RRAS2: variants seen among roughly 807,000 people sequenced by gnomAD.
The protein encoded by RRAS2 is ras-related protein R-Ras2.
RRAS2 carries 7 observed loss-of-function variants against 27.6 expected under a neutral mutation model. The observed-to-expected ratio is 0.25, with a 90% CI of 0.14 to 0.48. The LOEUF is 0.48. Among genes scored for constraint, RRAS2 ranks in the 20% least tolerant of loss-of-function variants. The probability of loss-of-function intolerance (pLI) is 0.99; values close to 1 mark genes in which losing one functional copy is unlikely to be tolerated. For missense variants in RRAS2, 178 were observed against 256.2 expected, an observed-to-expected ratio of 0.69 and a Z score of 2.08; for synonymous variants, 86 against 90.9, an observed-to-expected ratio of 0.95 and a Z score of 0.31.
intron 1 of RRAS2, among the ~76,000 whole-genome samples, chr11:14,321,538 GAAGC>G (rs1217779797): frequency 6.6e-6 from 1 of 152,182 alleles, no homozygotes; most frequent in African/African-American, 2.4e-5. Context: ...GGAGAGCAGG[GAAGC>G]TGTTTACCTA....
At chr11:14,297,728 C>T (rs902842255) in intron 1 of RRAS2, among the ~76,000 whole-genome samples, 1 of 152,002 alleles carries the variant, frequency 6.6e-6, no homozygotes, top group Non-Finnish European at 1.5e-5. Context: ...TGCCACACTG[C>T]GCTCCAGCCT....
At chr11:14,308,731 T>C (rs1244006539) in intron 1 of RRAS2, among the ~76,000 whole-genome samples, 1 of 152,210 alleles carries the variant, frequency 6.6e-6, no homozygotes, top group Non-Finnish European at 1.5e-5. Context: ...AAGAGTTTTT[T>C]ACAAGGAGTA....
At chr11:14,284,429 C>T (rs1849613070) in intron 4 of RRAS2, among the ~76,000 whole-genome samples, 2 of 152,158 alleles carry the variant, frequency 1.3e-5, no homozygotes. Context: ...TTGAGGCTTA[C>T]TTTATGATCC....
At chr11:14,319,374 C>T (rs1316096978) in intron 1 of RRAS2, among the ~76,000 whole-genome samples, 2 of 76,396 alleles carry the variant, frequency 2.6e-5, no homozygotes, top group Non-Finnish European at 4.7e-5. Flanking sequence ...TTTTTTGAGA[C>T]GGAGTCTCGC....
Position 14,358,139 on chromosome 11 carries a change from T to C in RRAS2, c.108+624A>G. 1.2e-6 allele frequency: 1 copy of C among 830,284 alleles called. No individual in the cohort carries two copies. The highest frequency in any genetic ancestry group is 5.5e-5 in the South Asian group (1 of 18,218). The allele number at this position is 830,284 out of a possible 1,614,324, so 51.4% of individuals were successfully genotyped here. A position where few individuals can be genotyped will look rare whatever the true frequency, so the allele number is the denominator to read the frequency against. Reference sequence around the variant, plus strand: ...GTCTCACCCCATCAGAGAACATTTTTAACTTCCTAGAAGCCACCATTTCCC... The same window carrying C: ...GTCTCACCCCATCAGAGAACATTTTCAACTTCCTAGAAGCCACCATTTCCC... On this transcript the variant is annotated intron_variant, in intron 1 of 5. Transcript: ENST00000256196. The surrounding 1 kb of genome is among the most constrained non-coding windows in gnomAD (Gnocchi z 5.1).
chr11:14,284,437 T>G (rs1171213970), intron 4 of RRAS2, among the ~76,000 whole-genome samples: 4 of 152,220 alleles, frequency 2.6e-5, no homozygotes, highest in Admixed American at 1.3e-4. Flanking sequence ...TACTTTATGA[T>G]CCATTCTTCT....
intron 1 of RRAS2, among the ~76,000 whole-genome samples, chr11:14,306,891 TAAAAA>T (rs11287532): frequency 3.0e-5 from 4 of 133,180 alleles, no homozygotes; most frequent in Non-Finnish European, 3.2e-5. Context: ...TGTGCCAAGA[TAAAAA>T]AAAAAAAAAA....
At chr11:14,298,036 T>C (rs1187594263) in intron 1 of RRAS2, among the ~76,000 whole-genome samples, 1 of 151,250 alleles carries the variant, frequency 6.6e-6, no homozygotes, top group Non-Finnish European at 1.5e-5. Flanking sequence ...TGAACTTACT[T>C]TTTGGCACCC....
chr11:14,358,609 G>A lies in RRAS2; in HGVS notation c.108+154C>T, dbSNP rs1475447147. 3 of 980,016 alleles carry A rather than the reference G, an allele frequency of 3.1e-6. No homozygotes were observed. Among genetic ancestry groups the A allele is most frequent in the East Asian group, 1.1e-4 (1 of 8,842 alleles). 60.7% of individuals were successfully genotyped at this position (980,016 alleles called of 1,614,324 possible). Reference sequence around the variant, plus strand: ...GCGCGACGCTGCGGCCGCAGGGCAGGAGCGTAGTCGGCCCCGCGCCCTCCC... The same window carrying A: ...GCGCGACGCTGCGGCCGCAGGGCAGAAGCGTAGTCGGCCCCGCGCCCTCCC... On this transcript the variant is annotated intron_variant, in intron 1 of 5. Transcript: ENST00000256196. This position sits in a 1 kb window ranked among gnomAD's most constrained non-coding sequence, Gnocchi z 5.1.
At chr11:14,301,022 T>A (rs1294803568) in intron 1 of RRAS2, among the ~76,000 whole-genome samples, 2 of 152,140 alleles carry the variant, frequency 1.3e-5, no homozygotes, top group Admixed American at 1.3e-4. Context: ...AGGCTAGCTC[T>A]AAGGTACCAC....
intron 1 of RRAS2, among the ~76,000 whole-genome samples, chr11:14,331,185 C>T (rs1235598954): frequency 2.6e-5 from 4 of 152,158 alleles, no homozygotes; most frequent in African/African-American, 9.7e-5. Flanking sequence ...TTCTTGGTCA[C>T]AAGTTTCTGT....
chr11:14,289,987 G>GTAA (rs1205455054), intron 4 of RRAS2, among the ~76,000 whole-genome samples: 2 of 152,220 alleles, frequency 1.3e-5, no homozygotes, highest in East Asian at 3.8e-4. Flanking sequence ...CAGAGAGCAA[G>GTAA]CCAGACTGGT....
chr11:14,303,366 C>G (rs868906918), intron 1 of RRAS2, among the ~76,000 whole-genome samples: 3 of 152,314 alleles, frequency 2.0e-5, no homozygotes, highest in Middle Eastern at 6.8e-3. Context: ...CCAAGCCCCT[C>G]TGTGGGAAAG....
intron 5 of RRAS2, 55 bp downstream of exon 5, chr11:14,281,546 TA>T: frequency 7.2e-7 from 1 of 1,382,498 alleles, no homozygotes; most frequent in South Asian, 1.4e-5. Context: ...ATATCCTTAC[TA>T]AAAACATTTA....
At chr11:14,337,277 T>C (rs1211420711) in intron 1 of RRAS2, 1 of 152,192 alleles carries the variant, frequency 6.6e-6, no homozygotes, top group Non-Finnish European at 1.5e-5. Flanking sequence ...GTCCAGAGTA[T>C]CCACACTGTA....
rs80130992 is a variant in RRAS2 at position 14,331,673 on chromosome 11, TAA to T, written c.108+27088_108+27089del. On this transcript the variant is annotated intron_variant, in intron 1 of 5. Coordinates refer to ENST00000256196, the MANE Select transcript of RRAS2 (RefSeq NM_012250.6). ...GCAACATAGGGAGATCCCCAACTCTTAAAAAAAAAAAAAAAAAAAAAAAAGTT... is the reference window on the plus strand; with the variant it reads ...GCAACATAGGGAGATCCCCAACTCTTAAAAAAAAAAAAAAAAAAAAAAGTT... 7.7e-3 allele frequency among the ~76,000 whole-genome samples: 624 copies of T among 81,550 alleles called. 6 individuals carry two copies. Among genetic ancestry groups the T allele is most frequent in the African/African-American group, 0.027 (559 of 20,890 alleles). The allele number at this position is 81,550 out of a possible 152,430, so 53.5% of individuals were successfully genotyped here. A position where few individuals can be genotyped will look rare whatever the true frequency, so the allele number is the denominator to read the frequency against.
chr11:14,308,041 C>T (rs1185557908), intron 1 of RRAS2, among the ~76,000 whole-genome samples: 2 of 151,868 alleles, frequency 1.3e-5, no homozygotes, highest in African/African-American at 4.8e-5. Flanking sequence ...GGTTAAATTA[C>T]GAAAGGTTCA....
At chr11:14,313,536 T>A (rs1160445675) in intron 1 of RRAS2, among the ~76,000 whole-genome samples, 1 of 152,176 alleles carries the variant, frequency 6.6e-6, no homozygotes, top group Non-Finnish European at 1.5e-5. Flanking sequence ...TATTTGGAAA[T>A]AGGGTCTTTA....
intron 4 of RRAS2, among the ~76,000 whole-genome samples, chr11:14,286,292 G>GT: frequency 1.3e-5 from 2 of 152,176 alleles, no homozygotes; most frequent in South Asian, 4.2e-4. Flanking sequence ...GGACTTTTAC[G>GT]TATCAGGTAT....
Sources: allele counts gnomAD v4.1 joint callset (sites outside exome capture counted in the v4.1 genomes callset), GRCh38; gene constraint gnomAD v4.1.1; non-coding constraint Gnocchi (gnomAD v3.1); transcripts MANE v1.5; gene names NCBI Gene and HGNC (gene_info 2026-07-23, HGNC 2026-07-21).